Variants in OPHN1 observed in about 807,000 individuals in gnomAD.
OPHN1 encodes the protein oligophrenin-1.
In OPHN1, 11 loss-of-function variants were observed where a neutral mutation model predicts 60.7. The observed-to-expected ratio is 0.18, with a 90% confidence interval of 0.11 to 0.30. OPHN1 has a LOEUF of 0.30. OPHN1 is among the 10% of genes least tolerant of loss of function. The pLI is 1.00. For synonymous variants in OPHN1, 226 were observed against 222.6 expected, an observed-to-expected ratio of 1.02 and a Z score of -0.14; for missense variants, 449 against 611.0, an observed-to-expected ratio of 0.73 and a Z score of 2.80.
chrX:68,159,136 G>C (rs756068854), intron 15 of OPHN1, among the ~76,000 whole-genome samples: 38 of 111,936 alleles, frequency 3.4e-4, no homozygotes, highest in Non-Finnish European at 6.0e-4. Context: ...AGGCTCTCTA[G>C]AAGGGAACTG....
intron 19 of OPHN1, among the ~76,000 whole-genome samples, chrX:68,089,305 G>C (rs1468307868): frequency 9.0e-6 from 1 of 111,159 alleles, no homozygotes; most frequent in Non-Finnish European, 1.9e-5. Flanking sequence ...GCCATTGAGG[G>C]GAATGGACAA....
intron 15 of OPHN1, among the ~76,000 whole-genome samples, chrX:68,182,409 G>A (rs1400041272): frequency 9.2e-6 from 1 of 108,411 alleles, no homozygotes; most frequent in Non-Finnish European, 1.9e-5. Flanking sequence ...GAGAGGGGAA[G>A]GGAGGAAGGG....
chrX:68,148,796 A>C (rs936012977), intron 15 of OPHN1, among the ~76,000 whole-genome samples: 2 of 111,227 alleles, frequency 1.8e-5, no homozygotes, highest in Non-Finnish European at 3.8e-5. Flanking sequence ...CCCACTGCAC[A>C]AAGCAAGCAT....
chrX:68,112,997 A>T (rs1193682958), intron 17 of OPHN1, among the ~76,000 whole-genome samples, 184 bp downstream of exon 17: 1 of 112,198 alleles, frequency 8.9e-6, no homozygotes. Context: ...ATTATGAAAA[A>T]TAATAGAACT....
At chrX:68,114,658 A>T (rs934649390) in intron 16 of OPHN1, among the ~76,000 whole-genome samples, 3 of 110,642 alleles carry the variant, frequency 2.7e-5, no homozygotes, top group African/African-American at 9.9e-5. Flanking sequence ...CAGACTACTC[A>T]AGGGGCTGAG....
intron 23 of OPHN1, among the ~76,000 whole-genome samples, chrX:68,050,907 T>C (rs759649849): frequency 2.7e-5 from 3 of 112,653 alleles, no homozygotes; most frequent in African/African-American, 9.7e-5. Context: ...CTTAAAAAAC[T>C]TCTGAGGTGA....
At position 68,042,674 on chromosome X, in the gene OPHN1, T is replaced by C. The variant is rs943005853; in HGVS notation, c.*4498A>G. 1 of 93,463 alleles carries C rather than the reference T, an allele frequency of 1.1e-5. No individual in the cohort carries two copies. The highest frequency in any genetic ancestry group is 2.1e-5 in the Non-Finnish European group (1 of 47,251). 7.7% of individuals were successfully genotyped at this position (93,463 alleles called of 1,213,427 possible). ...TGCAAATCAAAACCACTATGAGATA[T>C]CATCTCACACCAGTTAGAATGGCAA... is the stretch of plus-strand genomic sequence containing the variant. On this transcript the variant is annotated 3_prime_UTR_variant, in exon 25 of 25. Transcript: ENST00000355520.
chrX:68,217,167 G>A (rs1330819099), intron 6 of OPHN1, among the ~76,000 whole-genome samples: 1 of 111,911 alleles, frequency 8.9e-6, no homozygotes, highest in Admixed American at 9.4e-5. Flanking sequence ...AAGGGGTGAC[G>A]GATGGCACCT....
At chrX:68,387,224 C>T (rs2078629188) in intron 2 of OPHN1, among the ~76,000 whole-genome samples, 1 of 108,084 alleles carries the variant, frequency 9.3e-6, no homozygotes, top group African/African-American at 3.4e-5. Context: ...CTCTCTCTGC[C>T]CTATATCCTC....
chrX:68,134,802 T>C (rs1439180641), intron 15 of OPHN1, among the ~76,000 whole-genome samples: 1 of 110,908 alleles, frequency 9.0e-6, no homozygotes, highest in Non-Finnish European at 1.9e-5. Context: ...GAGGTGTCCA[T>C]GGTCAACTGC....
intron 5 of OPHN1, among the ~76,000 whole-genome samples, chrX:68,267,124 C>T (rs1239420955): frequency 9.0e-6 from 1 of 111,150 alleles, no homozygotes; most frequent in Non-Finnish European, 1.9e-5. Flanking sequence ...ATCAAAGAGA[C>T]AGAAAGTTAA....
chrX:68,108,815 C>T (rs1310960728), intron 18 of OPHN1, among the ~76,000 whole-genome samples: 3 of 111,016 alleles, frequency 2.7e-5, no homozygotes, highest in Non-Finnish European at 5.7e-5. Flanking sequence ...TTCAGTTTTA[C>T]GGTTTATAAT....
chrX:68,416,073 G>GAT (rs2078797207), intron 2 of OPHN1, among the ~76,000 whole-genome samples: 2 of 9,069 alleles, frequency 2.2e-4, no homozygotes, highest in African/African-American at 2.7e-4. Context: ...TATATAGAGA[G>GAT]AGAGAGAGAG....
chrX:68,230,499 G>C (rs1451328761), intron 6 of OPHN1, among the ~76,000 whole-genome samples: 1 of 110,087 alleles, frequency 9.1e-6, no homozygotes, highest in Non-Finnish European at 1.9e-5. Context: ...CAATAGCAGA[G>C]ATTTGGAACC....
At chrX:68,184,276 C>T (rs1453028956) in intron 15 of OPHN1, among the ~76,000 whole-genome samples, 1 of 111,865 alleles carries the variant, frequency 8.9e-6, no homozygotes, top group Non-Finnish European at 1.9e-5. Context: ...AATCCCAGCA[C>T]TTTGGGAGGC....
chrX:68,429,635 A>T (rs1447181485), intron 2 of OPHN1, among the ~76,000 whole-genome samples: 1 of 110,671 alleles, frequency 9.0e-6, no homozygotes, highest in African/African-American at 3.3e-5. Flanking sequence ...AGGTGGGAGG[A>T]TCACTTGAGC....
intron 18 of OPHN1, among the ~76,000 whole-genome samples, 156 bp from the exon 19 acceptor site, chrX:68,097,185 A>G (rs1340064186): frequency 2.7e-5 from 3 of 112,092 alleles, no homozygotes; most frequent in Non-Finnish European, 5.6e-5. Flanking sequence ...CAAAGGAAAC[A>G]ATCAGCAAAG....
rs2077535495 is a variant in OPHN1, at chrX:68,201,611, C to T, written c.1025+8G>A. The T allele has an allele frequency of 1.7e-6, 2 of 1,201,063 alleles. No individual in the cohort carries two copies. The highest frequency in any genetic ancestry group is 2.3e-6 in the Non-Finnish European group (2 of 886,971). On this transcript the variant is annotated splice_region_variant and intron_variant, in intron 11 of 24. Transcript: ENST00000355520. The stretch of plus-strand genomic sequence containing the variant: ...GGGACATTGCCAATTCACAGCGGCA[C>T]AGCTTACCTTTCATTAGTTTCTATG...
intron 19 of OPHN1, among the ~76,000 whole-genome samples, chrX:68,085,894 T>A (rs1465265401): frequency 9.0e-6 from 1 of 111,379 alleles, no homozygotes; most frequent in Non-Finnish European, 1.9e-5. Flanking sequence ...ATAGCAGAAA[T>A]AAAACCAGGC....
Sources: allele counts gnomAD v4.1 joint callset (sites outside exome capture counted in the v4.1 genomes callset), GRCh38; gene constraint gnomAD v4.1.1; transcripts MANE v1.5; gene names NCBI Gene and HGNC (gene_info 2026-07-23, HGNC 2026-07-21).